USP20: variants seen among roughly 807,000 people sequenced by gnomAD.
USP20 encodes the protein ubiquitin specific peptidase 20.
USP20 carries 80 observed loss-of-function variants against 124.2 expected under a neutral mutation model. That is an observed-to-expected ratio of 0.64 (90% confidence interval 0.54 to 0.78). The LOEUF is 0.78. Among genes scored for constraint, USP20 ranks in the 30% least tolerant of loss-of-function variants. The pLI is 0.00. For missense variants in USP20, 1,043 were observed against 1,244.4 expected (o/e 0.84, Z 2.44); for synonymous variants, 481 against 512.3 (o/e 0.94, Z 0.83).
At chr9:129,859,254 C>CTTTTGTTTT (rs1564206127) in intron 6 of USP20, among the ~76,000 whole-genome samples, 1 of 67,092 alleles carries the variant, frequency 1.5e-5, no homozygotes, top group Non-Finnish European at 3.4e-5. Context: ...CTCTCTCCTC[C>CTTTTGTTTT]ATTTATTTTA....
At chr9:129,866,398 G>C (rs871170) in intron 10 of USP20, among the ~76,000 whole-genome samples, 133,528 of 152,256 alleles carry the variant, frequency 0.88, 58,951 homozygotes, top group East Asian at 1. Flanking sequence ...CCTCATAGAA[G>C]TCTCACAAAG....
chr9:129,862,583 A>G (rs965135569), intron 8 of USP20, among the ~76,000 whole-genome samples: 3 of 149,212 alleles, frequency 2.0e-5, no homozygotes, highest in African/African-American at 4.9e-5. Flanking sequence ...ACCGCACCCA[A>G]TCCGTTTTAA....
chr9:129,868,871 A>G lies in USP20; in HGVS notation c.1145A>G (p.Asn382Ser), dbSNP rs1436324027. ...CCCTCTCTGCCCCCAGAGCCGGACAATGATGCTCACCTACGCAGCTCCTCT... is the reference window on the plus strand; with the variant it reads ...CCCTCTCTGCCCCCAGAGCCGGACAGTGATGCTCACCTACGCAGCTCCTCT... ...SSPCRTPEPD[N>S]DAHLRSSSRP... Residue 382 changes from asparagine to serine, a missense_variant, in exon 12 of 26, where the codon AAT becomes AGT. Physicochemically the swap from Asn to Ser is conservative, Grantham distance 46 (BLOSUM62 1). Transcript: ENST00000372429. The G allele has an allele frequency of 6.4e-7, 1 of 1,572,958 alleles. No individual in the cohort carries two copies. The highest frequency in any genetic ancestry group is 8.7e-7 in the Non-Finnish European group (1 of 1,155,432).
chr9:129,877,754 CA>C (rs2034468513), intron 22 of USP20, among the ~76,000 whole-genome samples: 1 of 152,084 alleles, frequency 6.6e-6, no homozygotes, highest in Admixed American at 6.5e-5. Context: ...AGCAGATAGG[CA>C]CATTCTATTC....
At chr9:129,852,963 AGGAGGGCTCAG>A (rs2033007940) in intron 3 of USP20, among the ~76,000 whole-genome samples, 1 of 152,184 alleles carries the variant, frequency 6.6e-6, no homozygotes, top group South Asian at 2.1e-4. Context: ...AGGTGGCTCC[AGGAGGGCTCAG>A]GGAAGCCTGA....
chr9:129,869,972 C>T (rs543159673), intron 14 of USP20, 128 bp downstream of exon 14: 9 of 1,164,520 alleles, frequency 7.7e-6, no homozygotes, highest in Middle Eastern at 3.0e-4. Flanking sequence ...AGCTGGGGGC[C>T]GAAGCCTGCA....
intron 15 of USP20, 147 bp from the exon 16 acceptor site, chr9:129,873,335 C>T (rs575586726): frequency 7.4e-6 from 7 of 948,976 alleles, no homozygotes; most frequent in East Asian, 4.9e-5. Context: ...CCGCCCGCCT[C>T]GGCCTCCCAA....
At chr9:129,855,707 C>T (rs7858258) in intron 3 of USP20, among the ~76,000 whole-genome samples, 131,521 of 152,190 alleles carry the variant, frequency 0.86, 57,189 homozygotes, top group East Asian at 0.98. Flanking sequence ...TCATCTGCAG[C>T]AGGCTAGCTG....
Position 129,869,752 on chromosome 9 carries a change from C to T in USP20, c.1473C>T (p.Ala491=), listed in dbSNP as rs773107460. 1 of 1,614,088 alleles carries T rather than the reference C, an allele frequency of 6.2e-7. No homozygotes were observed. The highest frequency in any genetic ancestry group is 8.5e-7 in the Non-Finnish European group (1 of 1,180,030). The change falls in exon 14 of 26, where the codon GCC becomes GCT. Residue 491 remains alanine (A), a synonymous_variant. Coordinates refer to ENST00000372429, the MANE Select transcript of USP20 (RefSeq NM_001110303.4). ...GKEDLAKLHS[A]IYQNVPAKPG... The stretch of plus-strand genomic sequence containing the variant: ...AGGACCTGGCCAAGCTCCATTCAGC[C>T]ATCTACCAGAATGTGCCGGCCAAGC...
rs371173331 is a variant in USP20 at position 129,844,728 on chromosome 9, A to G, written c.-128-5085A>G. Among the ~76,000 whole-genome samples the G allele has an allele frequency of 6.5e-4, 99 of 151,980 alleles. 1 individual carries two copies. Among genetic ancestry groups the G allele is most frequent in the African/African-American group, 2.1e-3 (89 of 41,464 alleles). ...TTTTTTTCCTGTACAGCAGGATTAC[A>G]GGTGATTTTTATTTCATTTTATGTC... On this transcript the variant is annotated intron_variant, in intron 1 of 25. Coordinates refer to ENST00000372429, the MANE Select transcript of USP20 (RefSeq NM_001110303.4).
chr9:129,850,652 TTG>T (rs372407436), intron 2 of USP20, among the ~76,000 whole-genome samples: 4 of 151,278 alleles, frequency 2.6e-5, no homozygotes, highest in African/African-American at 4.9e-5. Flanking sequence ...TTTTTGTTTT[TTG>T]TGTGTGTGTG....
chr9:129,866,073 C>A (rs2033807395), intron 10 of USP20, among the ~76,000 whole-genome samples: 1 of 152,264 alleles, frequency 6.6e-6, no homozygotes, highest in Non-Finnish European at 1.5e-5. Context: ...GGGCTGATGG[C>A]TCCTGCCCTC....
At position 129,868,960 on chromosome 9, in the gene USP20, G is replaced by A. The variant is rs1429982542; in HGVS notation, c.1234G>A (p.Ala412Thr). 6.2e-7 allele frequency: 1 copy of A among 1,612,628 alleles called. No individual in the cohort carries two copies. The highest frequency in any genetic ancestry group is 8.5e-7 in the Non-Finnish European group (1 of 1,179,308). Residue 412 changes from alanine (A) to threonine (T), a missense_variant, in exon 12 of 26, where the codon GCA (alanine) becomes ACA (threonine). Physicochemically the swap from Ala to Thr is moderately conservative, Grantham distance 58 (BLOSUM62 0). Transcript: ENST00000372429. Reference sequence around the variant, plus strand: ...CAAGCTGTCTAGCAGCCCCCCTCGTGCAAGCCCCGTGAGGATGGCACCGTC... The same window carrying A: ...CAAGCTGTCTAGCAGCCCCCCTCGTACAAGCCCCGTGAGGATGGCACCGTC... The part of the protein sequence containing the change: ...HAKLSSSPPR[A>T]SPVRMAPSYV...
At chr9:129,870,218 C>T (rs2034048475) in intron 14 of USP20, 2 of 580,384 alleles carry the variant, frequency 3.4e-6, no homozygotes, top group Non-Finnish European at 6.1e-6. Context: ...GTAGCATGAT[C>T]ATGGCCGCAA....
At chr9:129,877,657 C>T (rs1246230909) in intron 22 of USP20, among the ~76,000 whole-genome samples, 1 of 151,924 alleles carries the variant, frequency 6.6e-6, no homozygotes, top group African/African-American at 2.4e-5. Flanking sequence ...ATGATTGCGC[C>T]GCTGCACTCC....
chr9:129,864,572 G>A (rs1255215212), intron 9 of USP20, among the ~76,000 whole-genome samples: 1 of 151,590 alleles, frequency 6.6e-6, no homozygotes, highest in East Asian at 1.9e-4. Flanking sequence ...TCAGGAGTTC[G>A]AGACCAGCCT....
At chr9:129,873,280 C>T (rs1185460470) in intron 15 of USP20, among the ~76,000 whole-genome samples, 3 of 151,956 alleles carry the variant, frequency 2.0e-5, no homozygotes, top group Non-Finnish European at 2.9e-5. Context: ...GATGGGGTTT[C>T]GCCATGTTGG....
chr9:129,870,101 G>A lies in USP20; in HGVS notation c.1565+257G>A, dbSNP rs981155443. ...GGAGGTGACCACATGGCAGGTTGAA[G>A]GGAGGGCAGCAGCAGGACACAGGCC... On this transcript the variant is annotated intron_variant, in intron 14 of 25. Coordinates refer to ENST00000372429, the MANE Select transcript of USP20 (RefSeq NM_001110303.4). 1.0e-5 allele frequency: 6 copies of A among 578,774 alleles called. No individual in the cohort carries two copies. The African/African-American group carries it at 1.1e-4, about 11-fold the overall frequency. 35.9% of individuals were successfully genotyped at this position (578,774 alleles called of 1,614,324 possible). A position where few individuals can be genotyped will look rare whatever the true frequency, so the allele number is the denominator to read the frequency against.
chr9:129,864,995 A>G (rs551736317), intron 9 of USP20, among the ~76,000 whole-genome samples: 123 of 152,368 alleles, frequency 8.1e-4, no homozygotes, highest in African/African-American at 2.8e-3. Context: ...TACTTTTGAA[A>G]TGAGAAAACC....
Sources: gnomAD v4.1 joint callset for allele counts (sites outside exome capture counted in the v4.1 genomes callset) on GRCh38, gnomAD v4.1.1 for gene constraint, MANE v1.5 for transcripts, NCBI Gene and HGNC (gene_info 2026-07-23, HGNC 2026-07-21) for gene names.